The following BCAR3 variants were observed in gnomAD, a reference collection of about 807,000 sequenced individuals.
The protein encoded by BCAR3 is BCAR3 adaptor protein, NSP family member.
BCAR3 carries 37 observed loss-of-function variants against 80.1 expected under a neutral mutation model. The ratio of observed to expected loss-of-function variants is 0.46; its 90% CI spans 0.36 to 0.61. The LOEUF is 0.61. Ranked by LOEUF, BCAR3 falls within the 20% of genes least tolerant of loss-of-function variation. The pLI, the probability that BCAR3 is intolerant of heterozygous loss-of-function variation, is 0.00. For missense variants in BCAR3, 978 were observed against 1,068.2 expected (o/e 0.92, Z 1.18); for synonymous variants, 389 against 418.9 (o/e 0.93, Z 0.87).
chr1:93,763,450 C>A (rs1388055482), intron 2 of BCAR3, among the ~76,000 whole-genome samples: 1 of 152,210 alleles, frequency 6.6e-6, no homozygotes, highest in Non-Finnish European at 1.5e-5. Context: ...TCACAATAAC[C>A]TCATGAAGTA....
intron 2 of BCAR3, among the ~76,000 whole-genome samples, chr1:93,771,762 G>A (rs769074218): frequency 2.6e-5 from 4 of 152,160 alleles, no homozygotes; most frequent in Non-Finnish European, 4.4e-5. Context: ...ACATTCCTGA[G>A]AAGGTGCTGA....
chr1:93,834,875 C>T (rs1326002828), intron 2 of BCAR3, among the ~76,000 whole-genome samples: 1 of 152,188 alleles, frequency 6.6e-6, no homozygotes, highest in Admixed American at 6.5e-5. Context: ...CACACCTGAC[C>T]TCCATGACTA....
chr1:93,769,987 C>T (rs1652298384), intron 2 of BCAR3, among the ~76,000 whole-genome samples: 1 of 152,138 alleles, frequency 6.6e-6, no homozygotes, highest in Non-Finnish European at 1.5e-5. Context: ...AGCAGCGCAT[C>T]CCCTCTGTCT....
chr1:93,591,986 G>A (rs1357307882), intron 4 of BCAR3, among the ~76,000 whole-genome samples: 1 of 152,240 alleles, frequency 6.6e-6, no homozygotes, highest in East Asian at 1.9e-4. Flanking sequence ...TACTGACTCT[G>A]TGGCTGCTGC....
Position 93,592,114 on chromosome 1 carries a change from A to T in BCAR3, c.486+151T>A. 9.2e-7 allele frequency: 1 copy of T among 1,091,602 alleles called. No homozygotes were observed. Among genetic ancestry groups the T allele is most frequent in the Non-Finnish European group, 1.3e-6 (1 of 785,786 alleles). The allele number at this position is 1,091,602 out of a possible 1,614,324, so 67.6% of individuals were successfully genotyped here. A position where few individuals can be genotyped will look rare whatever the true frequency, so the allele number is the denominator to read the frequency against. ...GCTCTTCCCAAGGTCTTCTTAGAGA[A>T]GGGTCTAAATGAAGTCATTTTTAGA... On this transcript the variant is annotated intron_variant, in intron 4 of 11. Coordinates refer to ENST00000260502, the MANE Select transcript of BCAR3 (RefSeq NM_003567.4). This position sits in a 1 kb window ranked among gnomAD's most constrained non-coding sequence, Gnocchi z 4.8.
At chr1:93,634,535 T>C (rs947529563) in intron 3 of BCAR3, among the ~76,000 whole-genome samples, 2 of 151,434 alleles carry the variant, frequency 1.3e-5, no homozygotes, top group African/African-American at 2.4e-5. Flanking sequence ...CTACTAAAAA[T>C]ACAAAAAAAA....
At chr1:93,656,569 G>A (rs928689520) in intron 2 of BCAR3, among the ~76,000 whole-genome samples, 2 of 147,380 alleles carry the variant, frequency 1.4e-5, no homozygotes, top group Non-Finnish European at 3.0e-5. Context: ...ACCATACATC[G>A]TTATTTTATA....
At chr1:93,764,596 A>G (rs2818160) in intron 2 of BCAR3, among the ~76,000 whole-genome samples, 108,350 of 151,852 alleles carry the variant, frequency 0.71, 39,610 homozygotes, top group African/African-American at 0.87. Context: ...TCTTCCACCT[A>G]TGTGCCTCTG....
chr1:93,668,737 G>T (rs1166194137), intron 2 of BCAR3, among the ~76,000 whole-genome samples: 1 of 145,584 alleles, frequency 6.9e-6, no homozygotes, highest in Non-Finnish European at 1.5e-5. Context: ...CTAAGACGGA[G>T]TTCTACTCTC....
intron 3 of BCAR3, among the ~76,000 whole-genome samples, chr1:93,614,718 G>A (rs991616001): frequency 6.6e-6 from 1 of 152,196 alleles, no homozygotes; most frequent in Non-Finnish European, 1.5e-5. Context: ...CCACCTGGCT[G>A]TGCAACCTGT....
At chr1:93,633,408 T>C (rs938604217) in intron 3 of BCAR3, among the ~76,000 whole-genome samples, 1 of 152,214 alleles carries the variant, frequency 6.6e-6, no homozygotes, top group Non-Finnish European at 1.5e-5. Context: ...GTTAGGCTCC[T>C]GGTAACACTT....
chr1:93,650,621 G>A (rs940118178), intron 2 of BCAR3, among the ~76,000 whole-genome samples: 7 of 152,092 alleles, frequency 4.6e-5, no homozygotes, highest in Non-Finnish European at 1.0e-4. Flanking sequence ...CAGAGCAAAG[G>A]TGAAATTTAT....
At chr1:93,846,737 C>A in intron 1 of BCAR3, 1 of 383,130 alleles carries the variant, frequency 2.6e-6, no homozygotes, top group Non-Finnish European at 5.2e-6. Context: ...CACGCAGTCG[C>A]GGGCCCCGGG....
intron 1 of BCAR3, among the ~76,000 whole-genome samples, chr1:93,680,643 T>A (rs1005914252): frequency 6.6e-6 from 1 of 152,162 alleles, no homozygotes; most frequent in African/African-American, 2.4e-5. Context: ...TTTAAAACAA[T>A]CTGAATGCAC....
intron 3 of BCAR3, among the ~76,000 whole-genome samples, chr1:93,610,870 G>T (rs1254254139): frequency 6.6e-6 from 1 of 151,948 alleles, no homozygotes; most frequent in African/African-American, 2.4e-5. Flanking sequence ...GGCGGAGGTT[G>T]TAGTGAGCCG....
chr1:93,614,443 C>A (rs1675044033), intron 3 of BCAR3, among the ~76,000 whole-genome samples: 1 of 152,040 alleles, frequency 6.6e-6, no homozygotes, highest in African/African-American at 2.4e-5. Flanking sequence ...TTGTTATGAA[C>A]AGAGGCTCCT....
At chr1:93,632,494 A>T (rs1480583159) in intron 3 of BCAR3, among the ~76,000 whole-genome samples, 1 of 152,170 alleles carries the variant, frequency 6.6e-6, no homozygotes, top group Non-Finnish European at 1.5e-5. Context: ...AAACTATAAT[A>T]TTCAGTAGGC....
At chr1:93,782,248 A>G (rs187139685) in intron 2 of BCAR3, among the ~76,000 whole-genome samples, 1 of 152,322 alleles carries the variant, frequency 6.6e-6, no homozygotes, top group Non-Finnish European at 1.5e-5. Flanking sequence ...GTCAGAGCAG[A>G]TATGCTCATC....
intron 2 of BCAR3, among the ~76,000 whole-genome samples, chr1:93,782,780 A>G (rs1289855541): frequency 6.6e-6 from 1 of 152,246 alleles, no homozygotes; most frequent in Non-Finnish European, 1.5e-5. Context: ...ACCCTAAATC[A>G]CAAGCCTGAT....
Sources: allele counts gnomAD v4.1 joint callset (sites outside exome capture counted in the v4.1 genomes callset), GRCh38; gene constraint gnomAD v4.1.1; non-coding constraint Gnocchi (gnomAD v3.1); transcripts MANE v1.5; gene names NCBI Gene and HGNC (gene_info 2026-07-23, HGNC 2026-07-21).